The following USP13 variants were observed in gnomAD, a reference collection of about 807,000 sequenced individuals.
The protein encoded by USP13 is ubiquitin carboxyl-terminal hydrolase 13.
In USP13, 68 loss-of-function variants were observed where a neutral mutation model predicts 107.8. The observed-to-expected ratio is 0.63, with a 90% CI of 0.52 to 0.77. The LOEUF is 0.77. Among genes scored for constraint, USP13 ranks in the 30% least tolerant of loss-of-function variants. The probability of loss-of-function intolerance (pLI) is 0.00; values close to 1 mark genes in which losing one functional copy is unlikely to be tolerated. For synonymous variants in USP13, 377 were observed against 389.5 expected, an observed-to-expected ratio of 0.97 and a Z score of 0.38; for missense variants, 945 against 1,093.3, an observed-to-expected ratio of 0.86 and a Z score of 1.91.
At chr3:179,659,892 AT>A (rs1720406096) in intron 1 of USP13, among the ~76,000 whole-genome samples, 1 of 152,046 alleles carries the variant, frequency 6.6e-6, no homozygotes, top group Non-Finnish European at 1.5e-5. Flanking sequence ...AAATACAAAA[AT>A]TAGCCGGGCT....
chr3:179,753,704 GGTT>G (rs1714687605), intron 14 of USP13, among the ~76,000 whole-genome samples: 1 of 152,002 alleles, frequency 6.6e-6, no homozygotes, highest in South Asian at 2.1e-4. Flanking sequence ...TTGTTCTTTG[GGTT>G]GTTGTTTTAA....
Position 179,785,712 on chromosome 3 carries a change from TG to T in USP13, c.*1576del. On this transcript the variant is annotated 3_prime_UTR_variant, in exon 21 of 21. Coordinates refer to ENST00000263966, the MANE Select transcript of USP13 (RefSeq NM_003940.3). ...TGAACAATCAGGATTCTGGGTGTGA[TG>T]GGGGTCCCTGTCTCATAGGTGATCC... The T allele has an allele frequency of 6.6e-6, 1 of 152,386 alleles. No homozygotes were observed. 9.4% of individuals were successfully genotyped at this position (152,386 alleles called of 1,614,324 possible).
intron 15 of USP13, among the ~76,000 whole-genome samples, chr3:179,755,871 G>T (rs1576980216): frequency 6.6e-6 from 1 of 152,236 alleles, no homozygotes; most frequent in East Asian, 1.9e-4. Flanking sequence ...GGAAGGGTAA[G>T]ATGAGTCTAG....
At chr3:179,670,308 A>T (rs1472323882) in intron 1 of USP13, among the ~76,000 whole-genome samples, 1 of 152,046 alleles carries the variant, frequency 6.6e-6, no homozygotes, top group Non-Finnish European at 1.5e-5. Flanking sequence ...CTAGGACTTA[A>T]ATGTCATTAG....
rs923952848 is a variant in USP13 at position 179,788,367 on chromosome 3, A to G, written c.*4226A>G. On this transcript the variant is annotated 3_prime_UTR_variant, in exon 21 of 21. Transcript: ENST00000263966. ...CAGTGTTACAGAGATTTTCCACTCC[A>G]TAAATCACTCTAAAAGAGTTTGCAT... 6.6e-6 allele frequency: 1 copy of G among 152,234 alleles called. No individual in the cohort carries two copies. The highest frequency in any genetic ancestry group is 1.5e-5 in the Non-Finnish European group (1 of 68,042). The allele number at this position is 152,234 out of a possible 1,614,324, so 9.4% of individuals were successfully genotyped here.
At chr3:179,747,477 C>A (rs1191264600) in intron 13 of USP13, among the ~76,000 whole-genome samples, 1 of 152,188 alleles carries the variant, frequency 6.6e-6, no homozygotes, top group Non-Finnish European at 1.5e-5. Context: ...TCGGCCACCC[C>A]TTTCTGCTCT....
intron 19 of USP13, among the ~76,000 whole-genome samples, chr3:179,766,062 C>G (rs1177335787): frequency 1.3e-5 from 2 of 151,964 alleles, no homozygotes; most frequent in Admixed American, 1.3e-4. Flanking sequence ...TCACTGCAAC[C>G]TCCGCCTCCC....
intron 6 of USP13, among the ~76,000 whole-genome samples, chr3:179,717,925 G>A (rs1713163482): frequency 6.9e-6 from 1 of 145,930 alleles, no homozygotes; most frequent in Non-Finnish European, 1.5e-5. Flanking sequence ...GAATAGAAAA[G>A]ACAACTACAC....
chr3:179,683,668 T>A (rs1353692441), intron 2 of USP13, among the ~76,000 whole-genome samples: 1 of 152,138 alleles, frequency 6.6e-6, no homozygotes, highest in Non-Finnish European at 1.5e-5. Flanking sequence ...TTCAATCACC[T>A]CCCACCGGAT....
rs544927977 is a variant in USP13 at position 179,761,112 on chromosome 3, C to A, written c.1949C>A (p.Pro650Gln). The A allele has an allele frequency of 8.1e-6, 13 of 1,614,144 alleles. No homozygotes were observed. In the South Asian group the frequency reaches 9.9e-5, roughly 12 times the overall value. The change falls in exon 17 of 21, where the codon CCA (proline) becomes CAA (glutamine). Residue 650 changes from proline (P) to glutamine (Q), a missense_variant and splice_region_variant. Pro to Gln is a moderately conservative substitution (Grantham distance 76). Transcript: ENST00000263966. ...TAGAATATCCTGTTGTGCTCTGTAG[C>A]ATCAGACATCGATGAGTCATCAGTG... is the stretch of plus-strand genomic sequence containing the variant. ...KDRLMNQLID[P>Q]SDIDESSVMQ...
chr3:179,674,687 T>C (rs1720844708), intron 1 of USP13, among the ~76,000 whole-genome samples: 1 of 151,984 alleles, frequency 6.6e-6, no homozygotes, highest in Admixed American at 6.6e-5. Context: ...AGGGTCACTG[T>C]TTTTTTGCTC....
chr3:179,725,429 A>G (rs1211499500), intron 8 of USP13, among the ~76,000 whole-genome samples: 2 of 152,120 alleles, frequency 1.3e-5, no homozygotes, highest in Non-Finnish European at 2.9e-5. Flanking sequence ...TTAACTCTGA[A>G]GTTTGGTTTA....
chr3:179,663,308 G>A (rs1720504062), intron 1 of USP13, among the ~76,000 whole-genome samples: 2 of 152,158 alleles, frequency 1.3e-5, no homozygotes, highest in Non-Finnish European at 2.9e-5. Context: ...ATGTTGTTGT[G>A]TCAATTTTCT....
intron 1 of USP13, 110 bp from the exon 2 acceptor site, chr3:179,681,768 C>A: frequency 1.4e-6 from 2 of 1,413,054 alleles, no homozygotes; most frequent in South Asian, 1.4e-5. Context: ...CCTCGGTGGC[C>A]CTTTGCCAGG....
chr3:179,718,323 G>T (rs546994153), intron 6 of USP13, among the ~76,000 whole-genome samples: 4 of 143,960 alleles, frequency 2.8e-5, no homozygotes, highest in Admixed American at 7.2e-5. Context: ...ACAGGGTCCT[G>T]CTCTGTCACC....
At position 179,778,770 on chromosome 3, in the gene USP13, GA is replaced by G. The variant is rs138909432; in HGVS notation, c.2414-2956del. The stretch of plus-strand genomic sequence containing the variant: ...AACAAGGGCAAAACTCCGTCTCAAA[GA>G]AAAAAAAAAAAACGAATGCGACATG... On this transcript the variant is annotated intron_variant, in intron 19 of 20. Transcript: ENST00000263966. 2.3e-3 allele frequency among the ~76,000 whole-genome samples: 301 copies of G among 133,614 alleles called. 1 individual carries two copies. The highest frequency in any genetic ancestry group is 7.6e-3 in the Middle Eastern group (2 of 264). The allele number at this position is 133,614 out of a possible 152,430, so 87.7% of individuals were successfully genotyped here. A position where few individuals can be genotyped will look rare whatever the true frequency, so the allele number is the denominator to read the frequency against.
At chr3:179,710,992 G>A (rs1712902909) in intron 6 of USP13, among the ~76,000 whole-genome samples, 1 of 152,176 alleles carries the variant, frequency 6.6e-6, no homozygotes, top group Non-Finnish European at 1.5e-5. Context: ...GTGAGTGAGT[G>A]GGGAGTGAGT....
intron 1 of USP13, among the ~76,000 whole-genome samples, chr3:179,679,794 G>GTTT (rs57620088): frequency 2.1e-5 from 2 of 97,432 alleles, no homozygotes; most frequent in African/African-American, 4.1e-5. Context: ...CCTATCCTTA[G>GTTT]TTTTTTTTTT....
At position 179,681,876 on chromosome 3, in the gene USP13, A is replaced by G; in HGVS notation, c.169-2A>G. On this transcript the variant is annotated splice_acceptor_variant, in intron 1 of 20. Transcript: ENST00000263966. LOFTEE classifies it high-confidence loss of function. The stretch of plus-strand genomic sequence containing the variant: ...CTAATGTACTTTTTCTCTTTCTTCT[A>G]GAATTCTGAAGGTGGACTCTATGTA... 1 of 1,611,058 alleles carries G rather than the reference A, an allele frequency of 6.2e-7. No homozygotes were observed. Among genetic ancestry groups the G allele is most frequent in the Non-Finnish European group, 8.5e-7 (1 of 1,178,506 alleles).
Sources: allele counts gnomAD v4.1 joint callset (sites outside exome capture counted in the v4.1 genomes callset), GRCh38; gene constraint gnomAD v4.1.1; transcripts MANE v1.5; gene names NCBI Gene and HGNC (gene_info 2026-07-23, HGNC 2026-07-21).